Variants in LMX1A observed in about 807,000 individuals in gnomAD.
The protein encoded by LMX1A is LIM homeobox transcription factor 1-alpha.
Under a neutral mutation model 49.1 loss-of-function variants are expected in LMX1A, and 15 were observed. The observed-to-expected ratio is 0.31, with a 90% confidence interval of 0.20 to 0.47. LMX1A has a LOEUF of 0.47. LMX1A is among the 20% of genes least tolerant of loss of function. LMX1A has a pLI of 1.00. For synonymous variants in LMX1A, 167 were observed against 185.7 expected (o/e 0.90, Z 0.82); for missense variants, 372 against 475.8 (o/e 0.78, Z 2.03).
chr1:165,343,179 C>T lies in LMX1A; in HGVS notation c.263+9897G>A, dbSNP rs145885595. Reference sequence around the variant, plus strand: ...ATTTCAAATATTAAACAAAAGTGAACCTTTGAGTTTGGTACTATCATTATC... The same window carrying T: ...ATTTCAAATATTAAACAAAAGTGAATCTTTGAGTTTGGTACTATCATTATC... On this transcript the variant is annotated intron_variant, in intron 3 of 8. Transcript: ENST00000342310. Among the ~76,000 whole-genome samples, 564 of 152,126 alleles carry T rather than the reference C, an allele frequency of 3.7e-3. 3 individuals carry two copies. The highest frequency in any genetic ancestry group is 0.013 in the African/African-American group (527 of 41,478).
rs781718131 is a variant in LMX1A, at chr1:165,208,151, T to C, written c.748-19A>G. The C allele has an allele frequency of 4.3e-6, 7 of 1,612,552 alleles. No individual in the cohort carries two copies. In the Admixed American group the frequency reaches 8.3e-5, roughly 19 times the overall value. On this transcript the variant is annotated intron_variant, in intron 6 of 8. Transcript: ENST00000342310. ...TCTTCATCTGATAAGGAGAGGACCA[T>C]AGGATTAGAAGTCAGGTGGCCTGCA...
intron 4 of LMX1A, among the ~76,000 whole-genome samples, chr1:165,224,159 TTCTC>T (rs1651954060): frequency 6.6e-6 from 1 of 152,184 alleles, no homozygotes; most frequent in Admixed American, 6.5e-5. Flanking sequence ...TCTCTCCTCT[TTCTC>T]TTGCTTCTTC....
chr1:165,236,951 T>C (rs2102626266), intron 4 of LMX1A, among the ~76,000 whole-genome samples: 1 of 152,182 alleles, frequency 6.6e-6, no homozygotes, highest in Non-Finnish European at 1.5e-5. Context: ...ATTTATTTAG[T>C]TATTGATGGT....
At chr1:165,225,448 A>C (rs1441053031) in intron 4 of LMX1A, among the ~76,000 whole-genome samples, 1 of 152,220 alleles carries the variant, frequency 6.6e-6, no homozygotes, top group Non-Finnish European at 1.5e-5. Flanking sequence ...CTTAATGTTG[A>C]TGAAATCATT....
At chr1:165,266,766 T>C (rs1177222554) in intron 3 of LMX1A, among the ~76,000 whole-genome samples, 1 of 151,908 alleles carries the variant, frequency 6.6e-6, no homozygotes, top group Non-Finnish European at 1.5e-5. Flanking sequence ...CACGCCCAGC[T>C]AATTTTTTGT....
chr1:165,210,593 T>C (rs1651339553), intron 6 of LMX1A, 106 bp downstream of exon 6: 1 of 699,246 alleles, frequency 1.4e-6, no homozygotes. Context: ...AACTACTCTA[T>C]CCAATGAGCT....
chr1:165,325,970 C>G (rs10800087), intron 3 of LMX1A, among the ~76,000 whole-genome samples: 1 of 152,076 alleles, frequency 6.6e-6, no homozygotes, highest in South Asian at 2.1e-4. Context: ...CCCATCCTCA[C>G]CAGTGGCAGT....
At chr1:165,341,218 T>C (rs1656064626) in intron 3 of LMX1A, among the ~76,000 whole-genome samples, 1 of 152,180 alleles carries the variant, frequency 6.6e-6, no homozygotes, top group Admixed American at 6.5e-5. Context: ...CAACCAGCCA[T>C]ACCCTAAATG....
At chr1:165,282,636 A>G (rs1571200080) in intron 3 of LMX1A, among the ~76,000 whole-genome samples, 1 of 152,102 alleles carries the variant, frequency 6.6e-6, no homozygotes, top group East Asian at 1.9e-4. Context: ...GCCAGGCAGA[A>G]CCCTTTGCTA....
chr1:165,229,800 GGTT>G (rs1237512885), intron 4 of LMX1A, among the ~76,000 whole-genome samples: 2 of 151,884 alleles, frequency 1.3e-5, no homozygotes, highest in Non-Finnish European at 2.9e-5. Flanking sequence ...TCTTTTTTCT[GGTT>G]GTTAGTGGAG....
At chr1:165,267,631 G>A (rs1001622163) in intron 3 of LMX1A, among the ~76,000 whole-genome samples, 1 of 152,192 alleles carries the variant, frequency 6.6e-6, no homozygotes, top group Non-Finnish European at 1.5e-5. Flanking sequence ...CCAGTGAGAA[G>A]GCTATTGAAA....
intron 3 of LMX1A, among the ~76,000 whole-genome samples, chr1:165,281,746 ATGTG>A (rs56913866): frequency 0.016 from 1,972 of 125,934 alleles, 10 homozygotes; most frequent in Non-Finnish European, 0.026. Context: ...GTGTGTGTGT[ATGTG>A]TGTGTGTGTG....
intron 3 of LMX1A, among the ~76,000 whole-genome samples, chr1:165,273,455 A>G (rs1384402784): frequency 2.6e-5 from 4 of 152,170 alleles, no homozygotes; most frequent in African/African-American, 4.8e-5. Context: ...AGGAGAAAAC[A>G]ATCTGTCAAG....
intron 4 of LMX1A, among the ~76,000 whole-genome samples, chr1:165,246,204 G>A (rs1211147256): frequency 6.6e-6 from 1 of 152,116 alleles, no homozygotes; most frequent in Non-Finnish European, 1.5e-5. Context: ...GCTAAGCTTT[G>A]TTAAGGAAAC....
chr1:165,282,472 C>T (rs4656442), intron 3 of LMX1A, among the ~76,000 whole-genome samples: 55,976 of 152,050 alleles, frequency 0.37, 10,365 homozygotes, highest in Admixed American at 0.39. Flanking sequence ...TGTTATACTA[C>T]ATTGTTTTAA....
intron 3 of LMX1A, among the ~76,000 whole-genome samples, chr1:165,259,915 CT>C (rs1232615408): frequency 6.6e-6 from 1 of 152,152 alleles, no homozygotes; most frequent in Non-Finnish European, 1.5e-5. Context: ...TTTCCTCCCC[CT>C]CTTCTTTGTT....
At chr1:165,229,802 T>C (rs892754482) in intron 4 of LMX1A, among the ~76,000 whole-genome samples, 1 of 152,120 alleles carries the variant, frequency 6.6e-6, no homozygotes, top group African/African-American at 2.4e-5. Flanking sequence ...TTTTTTCTGG[T>C]TGTTAGTGGA....
chr1:165,275,710 T>C (rs942593573), intron 3 of LMX1A, among the ~76,000 whole-genome samples: 1 of 151,854 alleles, frequency 6.6e-6, no homozygotes, highest in Admixed American at 6.6e-5. Flanking sequence ...AGGGGGCTGG[T>C]GGAGGGGACG....
intron 3 of LMX1A, among the ~76,000 whole-genome samples, chr1:165,322,640 T>C (rs1046224942): frequency 6.6e-6 from 1 of 152,094 alleles, no homozygotes; most frequent in African/African-American, 2.4e-5. Flanking sequence ...TTTATAAAGA[T>C]AGAAAACCAA....
Sources: allele counts gnomAD v4.1 joint callset (sites outside exome capture counted in the v4.1 genomes callset), GRCh38; gene constraint gnomAD v4.1.1; transcripts MANE v1.5; gene names NCBI Gene and HGNC (gene_info 2026-07-23, HGNC 2026-07-21).